DSCAM: variants seen among roughly 807,000 people sequenced by gnomAD.
DSCAM encodes the protein cell adhesion molecule DSCAM.
A neutral mutation model predicts 217.7 loss-of-function variants in DSCAM; 47 were observed. That is an observed-to-expected ratio of 0.22 (90% CI 0.17 to 0.28). DSCAM has a LOEUF of 0.28. DSCAM is among the 10% of genes least tolerant of loss of function. DSCAM has a pLI of 1.00. For missense variants in DSCAM, 2,080 were observed against 2,618.3 expected (o/e 0.79, Z 4.49); for synonymous variants, 1,056 against 1,015.3 (o/e 1.04, Z -0.76).
intron 3 of DSCAM, among the ~76,000 whole-genome samples, chr21:40,397,873 A>G (rs1437991225): frequency 6.6e-6 from 1 of 152,064 alleles, no homozygotes; most frequent in Non-Finnish European, 1.5e-5. Flanking sequence ...TACCACTACC[A>G]GTACTTCTAC....
intron 21 of DSCAM, among the ~76,000 whole-genome samples, chr21:40,090,537 C>A (rs2089594812): frequency 6.6e-6 from 1 of 152,228 alleles, no homozygotes; most frequent in Non-Finnish European, 1.5e-5. Flanking sequence ...GACTTTCCAG[C>A]AGCAGCAGCC....
At chr21:40,502,161 T>C (rs906573017) in intron 3 of DSCAM, among the ~76,000 whole-genome samples, 1 of 152,192 alleles carries the variant, frequency 6.6e-6, no homozygotes, top group Non-Finnish European at 1.5e-5. Context: ...ACCACAGTAG[T>C]ATTAGTACTG....
chr21:40,842,254 C>T (rs1375819938), intron 1 of DSCAM, among the ~76,000 whole-genome samples: 2 of 152,230 alleles, frequency 1.3e-5, no homozygotes, highest in Non-Finnish European at 2.9e-5. Context: ...CAAGAAAATG[C>T]CCACACGCGC....
At chr21:40,798,807 G>T (rs2091714137) in intron 1 of DSCAM, among the ~76,000 whole-genome samples, 1 of 152,008 alleles carries the variant, frequency 6.6e-6, no homozygotes, top group African/African-American at 2.4e-5. Context: ...TGTGTTTCAA[G>T]TGTTTTACAA....
At chr21:40,264,344 T>C (rs1412082568) in intron 11 of DSCAM, among the ~76,000 whole-genome samples, 1 of 151,970 alleles carries the variant, frequency 6.6e-6, no homozygotes, top group African/African-American at 2.4e-5. Context: ...TCGAATCCAA[T>C]AGCACATCAA....
intron 3 of DSCAM, chr21:40,618,814 C>T: frequency 6.6e-6 from 1 of 152,228 alleles, no homozygotes; most frequent in East Asian, 1.9e-4. Context: ...CCTCATTCCT[C>T]CTTCTTATAG....
At chr21:40,394,107 T>A (rs1182866154) in intron 3 of DSCAM, among the ~76,000 whole-genome samples, 1 of 152,212 alleles carries the variant, frequency 6.6e-6, no homozygotes, top group Non-Finnish European at 1.5e-5. Flanking sequence ...TCAAGGCAGT[T>A]GTTGGGTGGT....
At chr21:40,578,611 A>T (rs765359989) in intron 3 of DSCAM, among the ~76,000 whole-genome samples, 2 of 152,176 alleles carry the variant, frequency 1.3e-5, no homozygotes, top group Non-Finnish European at 2.9e-5. Flanking sequence ...CCCCTTTTGC[A>T]CTGTGGTACC....
intron 11 of DSCAM, among the ~76,000 whole-genome samples, chr21:40,259,496 C>T (rs541891166): frequency 4.6e-4 from 70 of 152,114 alleles, no homozygotes; most frequent in African/African-American, 1.5e-3. Flanking sequence ...CCCACAGCAC[C>T]AACCAGAGAT....
At chr21:40,183,627 G>C (rs909714419) in intron 14 of DSCAM, among the ~76,000 whole-genome samples, 1 of 152,170 alleles carries the variant, frequency 6.6e-6, no homozygotes, top group African/African-American at 2.4e-5. Context: ...GAGAGACACT[G>C]GATCCAGGAA....
intron 3 of DSCAM, among the ~76,000 whole-genome samples, chr21:40,376,786 A>G (rs1043161519): frequency 6.6e-6 from 1 of 151,174 alleles, no homozygotes; most frequent in Non-Finnish European, 1.5e-5. Flanking sequence ...TTTCCTGAGC[A>G]ATTGAGTTGC....
chr21:40,466,034 G>T (rs2075842537), intron 3 of DSCAM, among the ~76,000 whole-genome samples: 1 of 152,156 alleles, frequency 6.6e-6, no homozygotes, highest in Non-Finnish European at 1.5e-5. Context: ...TGCAGATGTG[G>T]TCACAAGGAG....
intron 11 of DSCAM, among the ~76,000 whole-genome samples, chr21:40,236,012 C>G (rs143407837): frequency 1.3e-5 from 2 of 152,134 alleles, no homozygotes; most frequent in Non-Finnish European, 1.5e-5. Context: ...AGTACCATAT[C>G]GAGGGTGGAA....
chr21:40,835,587 T>C (rs2092049678), intron 1 of DSCAM, among the ~76,000 whole-genome samples: 1 of 152,186 alleles, frequency 6.6e-6, no homozygotes, highest in South Asian at 2.1e-4. Context: ...CTCAAAAAGG[T>C]AATTTCTATA....
At chr21:40,230,414 T>A (rs909620467) in intron 11 of DSCAM, among the ~76,000 whole-genome samples, 1 of 152,192 alleles carries the variant, frequency 6.6e-6, no homozygotes, top group African/African-American at 2.4e-5. Flanking sequence ...TTTGCTTAAC[T>A]TCTGGAATTG....
intron 3 of DSCAM, among the ~76,000 whole-genome samples, chr21:40,690,372 C>T (rs148483881): frequency 6.6e-6 from 1 of 152,324 alleles, no homozygotes. Context: ...CTATTCGACT[C>T]AGGTTGAACG....
intron 9 of DSCAM, among the ~76,000 whole-genome samples, chr21:40,306,267 G>A (rs985975985): frequency 2.8e-5 from 4 of 145,284 alleles, no homozygotes; most frequent in Non-Finnish European, 5.9e-5. Context: ...ATATAAGAAT[G>A]CTTGTGATTT....
intron 1 of DSCAM, among the ~76,000 whole-genome samples, chr21:40,815,278 G>A (rs2091870922): frequency 6.6e-6 from 1 of 152,022 alleles, no homozygotes; most frequent in Non-Finnish European, 1.5e-5. Context: ...CACGAGATAA[G>A]GCTATTTTCC....
At chr21:40,833,847 A>G (rs2092031736) in intron 1 of DSCAM, among the ~76,000 whole-genome samples, 1 of 152,140 alleles carries the variant, frequency 6.6e-6, no homozygotes, top group Non-Finnish European at 1.5e-5. Context: ...CCTTGGCACA[A>G]TGAAGATGTT....
Sources: allele counts gnomAD v4.1 joint callset (sites outside exome capture counted in the v4.1 genomes callset), GRCh38; gene constraint gnomAD v4.1.1; transcripts MANE v1.5; gene names NCBI Gene and HGNC (gene_info 2026-07-23, HGNC 2026-07-21).